The following VEZT variants were observed in gnomAD, a reference collection of about 807,000 sequenced individuals.
VEZT encodes vezatin, adherens junctions transmembrane protein, also known as vezatin.
A neutral mutation model predicts 79.9 loss-of-function variants in VEZT; 39 were observed. The observed-to-expected ratio is 0.49, with a 90% CI of 0.38 to 0.64. VEZT has a LOEUF of 0.64. VEZT is among the 30% of genes least tolerant of loss of function. The pLI is 0.00. For synonymous variants in VEZT, 325 were observed against 327.6 expected, an observed-to-expected ratio of 0.99 and a Z score of 0.09; for missense variants, 837 against 893.1, an observed-to-expected ratio of 0.94 and a Z score of 0.80.
intron 1 of VEZT, among the ~76,000 whole-genome samples, chr12:95,227,710 G>A (rs1164872964): frequency 3.9e-5 from 6 of 151,954 alleles, no homozygotes; most frequent in Admixed American, 6.6e-5. Context: ...GTTCTGCCTC[G>A]GCCTCCCAAA....
chr12:95,232,408 G>A (rs539554988), intron 1 of VEZT, among the ~76,000 whole-genome samples: 66 of 152,278 alleles, frequency 4.3e-4, no homozygotes, highest in Non-Finnish European at 6.6e-4. Flanking sequence ...GAAAAGTTAC[G>A]TATAACTTGG....
At chr12:95,264,349 A>G (rs2065103410) in intron 4 of VEZT, among the ~76,000 whole-genome samples, 1 of 152,238 alleles carries the variant, frequency 6.6e-6, no homozygotes, top group Non-Finnish European at 1.5e-5. Context: ...TACTATTAAC[A>G]TACAAAAGTA....
rs1398115659 is a variant in VEZT at position 95,235,209 on chromosome 12, G to T, written c.37-16731G>T. On this transcript the variant is annotated intron_variant, in intron 1 of 11. Coordinates refer to ENST00000436874, the MANE Select transcript of VEZT (RefSeq NM_017599.4). ...GACGGGGTGGTGGCCGGGCAGAGGGGCTCCTCACTTCCCAGTAGGGGCGGC... is the reference window on the plus strand; with the variant it reads ...GACGGGGTGGTGGCCGGGCAGAGGGTCTCCTCACTTCCCAGTAGGGGCGGC... Among the ~76,000 whole-genome samples, 5 of 151,714 alleles carry T rather than the reference G, an allele frequency of 3.3e-5. No individual in the cohort carries two copies. In the East Asian group the frequency reaches 7.8e-4, roughly 24 times the overall value.
chr12:95,239,953 AGAGAGAG>A (rs1270300400), intron 1 of VEZT, among the ~76,000 whole-genome samples: 1 of 70,090 alleles, frequency 1.4e-5, no homozygotes, highest in Non-Finnish European at 2.5e-5. Context: ...CTCGAAAGAG[AGAGAGAG>A]AGAGAGAGAG....
At chr12:95,291,204 C>T (rs2072697451) in intron 9 of VEZT, among the ~76,000 whole-genome samples, 2 of 152,164 alleles carry the variant, frequency 1.3e-5, no homozygotes, top group Non-Finnish European at 2.9e-5. Flanking sequence ...GCACTCCATC[C>T]TTGGTGACAC....
Position 95,282,267 on chromosome 12 carries a change from G to T in VEZT, c.997-46G>T. ...AAATTTATAGTTTGTTTTGAACACT[G>T]ACCAATATTTTTATTGATCTAGTTC... On this transcript the variant is annotated intron_variant, in intron 7 of 11. Transcript: ENST00000436874. The T allele has an allele frequency of 2.1e-6, 3 of 1,444,422 alleles. No homozygotes were observed. In the South Asian group the frequency reaches 4.2e-5, roughly 20 times the overall value. The allele number at this position is 1,444,422 out of a possible 1,614,324, so 89.5% of individuals were successfully genotyped here.
chr12:95,294,352 G>C lies in VEZT; in HGVS notation c.1603G>C (p.Asp535His). The change falls in exon 10 of 12, where the codon GAT (aspartate) becomes CAT (histidine). Residue 535 changes from aspartate to histidine, a missense_variant. Physicochemically the swap from Asp to His is moderately conservative, Grantham distance 81. Coordinates refer to ENST00000436874, the MANE Select transcript of VEZT (RefSeq NM_017599.4). Reference protein sequence around the residue: ...KQPTLHIADKDPIPEEQELEA... With the variant: ...KQPTLHIADKHPIPEEQELEA... ...GCCTACTCTACACATTGCAGACAAA[G>C]ATCCAATCCCAGAGGAGCAGGTAAG... 6.3e-7 allele frequency: 1 copy of C among 1,583,800 alleles called. No homozygotes were observed. The highest frequency in any genetic ancestry group is 8.6e-7 in the Non-Finnish European group (1 of 1,164,270).
chr12:95,282,612 C>T lies in VEZT; in HGVS notation c.1296C>T (p.Ser432=), dbSNP rs767809580. The change falls in exon 8 of 12, where the codon AGC becomes AGT. Residue 432 remains serine (S), a synonymous_variant. Transcript: ENST00000436874. ...ELNNVHTAVR[S]LQLHLKALLN... is the part of the protein sequence containing the mutation. ...ATAATGTTCACACAGCAGTGCGTAG[C>T]TTGCAGCTCCATCTGAAAGCATTAC... is the stretch of plus-strand genomic sequence containing the variant. 13 of 1,607,850 alleles carry T rather than the reference C, an allele frequency of 8.1e-6. No homozygotes were observed. Among genetic ancestry groups the T allele is most frequent in the Non-Finnish European group, 1.0e-5 (12 of 1,175,766 alleles).
chr12:95,259,564 G>A lies in VEZT; in HGVS notation c.258+2325G>A, dbSNP rs151295906. On this transcript the variant is annotated intron_variant, in intron 3 of 11. Transcript: ENST00000436874. ...GAGCTTATTAACATGCTTAAGTTGT[G>A]GAGCAAGGATATAAAGCTAGACACT... is the stretch of plus-strand genomic sequence containing the variant. Among the ~76,000 whole-genome samples, 481 of 152,286 alleles carry A rather than the reference G, an allele frequency of 3.2e-3. 2 individuals carry two copies. The highest frequency in any genetic ancestry group is 9.9e-3 in the African/African-American group (411 of 41,546).
intron 7 of VEZT, chr12:95,275,764 AAC>A (rs1265366993): frequency 6.6e-6 from 1 of 152,168 alleles, no homozygotes; most frequent in Admixed American, 6.5e-5. Flanking sequence ...CAAAAAAAGA[AAC>A]ACAGGCTAGT....
At chr12:95,249,302 T>G (rs1173253385) in intron 1 of VEZT, among the ~76,000 whole-genome samples, 2 of 152,124 alleles carry the variant, frequency 1.3e-5, no homozygotes, top group Non-Finnish European at 2.9e-5. Flanking sequence ...AAAACAATGT[T>G]TTTTTTTAAA....
intron 4 of VEZT, among the ~76,000 whole-genome samples, chr12:95,264,652 G>T (rs2074760956): frequency 6.6e-6 from 1 of 151,888 alleles, no homozygotes; most frequent in Non-Finnish European, 1.5e-5. Flanking sequence ...GCCCAGGCTG[G>T]TCTTGAATTC....
intron 11 of VEZT, among the ~76,000 whole-genome samples, chr12:95,297,400 T>C (rs976121890): frequency 7.9e-5 from 12 of 151,554 alleles, no homozygotes; most frequent in African/African-American, 2.4e-4. Context: ...CCAGTTCTCT[T>C]TTTTTTTTTC....
At chr12:95,257,121 T>A (rs1307538864) in intron 2 of VEZT, 29 bp from the exon 3 acceptor site, 1 of 1,561,370 alleles carries the variant, frequency 6.4e-7, no homozygotes, top group Admixed American at 1.8e-5. Flanking sequence ...CTTTTAATAA[T>A]CCTATACAAT....
At chr12:95,234,584 C>T (rs934026046) in intron 1 of VEZT, among the ~76,000 whole-genome samples, 22 of 152,108 alleles carry the variant, frequency 1.4e-4, no homozygotes, top group African/African-American at 4.8e-4. Flanking sequence ...CATGAGCCAC[C>T]GCGCCAGGCT....
chr12:95,282,206 T>C, intron 7 of VEZT, 107 bp from the exon 8 acceptor site: 1 of 1,004,018 alleles, frequency 1.0e-6, no homozygotes, highest in Non-Finnish European at 1.4e-6. Flanking sequence ...TTATTTAGGA[T>C]AAAGTGCAAA....
chr12:95,258,220 T>C lies in VEZT; in HGVS notation c.258+981T>C, dbSNP rs190084036. ...AAGGTCAATGAAGTGTCTTATCGTC[T>C]ACATATAATGCCATTTTTATCCAGG... On this transcript the variant is annotated intron_variant, in intron 3 of 11. Transcript: ENST00000436874. 3.9e-4 allele frequency: 176 copies of C among 455,930 alleles called. 2 individuals are homozygous for C. The highest frequency in any genetic ancestry group is 5.3e-5 in the Non-Finnish European group (12 of 226,682). 28.2% of individuals were successfully genotyped at this position (455,930 alleles called of 1,614,324 possible). A position where few individuals can be genotyped will look rare whatever the true frequency, so the allele number is the denominator to read the frequency against.
intron 3 of VEZT, chr12:95,262,186 A>G (rs1164568543): frequency 1.3e-5 from 2 of 152,108 alleles, no homozygotes. Context: ...CTCTAGGTGT[A>G]TTTCATCACA....
chr12:95,294,427 T>C, intron 10 of VEZT, 55 bp downstream of exon 10: 1 of 1,353,408 alleles, frequency 7.4e-7, no homozygotes, highest in African/African-American at 1.5e-5. Context: ...TCTAATGAGC[T>C]TCAAAATTAC....
Sources: allele counts gnomAD v4.1 joint callset (sites outside exome capture counted in the v4.1 genomes callset), GRCh38; gene constraint gnomAD v4.1.1; transcripts MANE v1.5; gene names NCBI Gene and HGNC (gene_info 2026-07-23, HGNC 2026-07-21).